The following WDR72 variants were observed in gnomAD, a reference collection of about 807,000 sequenced individuals.
The protein encoded by WDR72 is WD repeat domain 72.
A neutral mutation model predicts 124.2 loss-of-function variants in WDR72; 120 were observed. The ratio of observed to expected loss-of-function variants is 0.97; its 90% CI spans 0.83 to 1.12. WDR72 has a LOEUF of 1.12. WDR72 is among the 50% of genes most tolerant of loss of function. WDR72 has a pLI of 0.00. For missense variants in WDR72, 1,387 were observed against 1,278.8 expected (o/e 1.08, Z -1.29); for synonymous variants, 452 against 441.7 (o/e 1.02, Z -0.29).
chr15:53,738,124 T>G (rs2018408189), intron 1 of WDR72, among the ~76,000 whole-genome samples: 1 of 152,158 alleles, frequency 6.6e-6, no homozygotes, highest in African/African-American at 2.4e-5. Flanking sequence ...TCGATGTAGT[T>G]AAGACTCAAA....
At chr15:53,734,429 A>T (rs1343688021) in intron 1 of WDR72, among the ~76,000 whole-genome samples, 1 of 152,226 alleles carries the variant, frequency 6.6e-6, no homozygotes, top group Non-Finnish European at 1.5e-5. Context: ...AAAGCTACCC[A>T]GAGAGTTCTG....
chr15:53,521,862 T>C (rs540546), intron 19 of WDR72, among the ~76,000 whole-genome samples: 38,248 of 151,998 alleles, frequency 0.25, 5,406 homozygotes, highest in African/African-American at 0.36. Flanking sequence ...AATGGATAAA[T>C]AATTTTTATT....
chr15:53,671,787 A>C (rs892574997), intron 13 of WDR72, among the ~76,000 whole-genome samples: 4 of 152,158 alleles, frequency 2.6e-5, no homozygotes, highest in African/African-American at 4.8e-5. Flanking sequence ...TCAGTTTCTG[A>C]ATGTGACGTG....
rs755207553 is a variant in WDR72, at chr15:53,665,736, C to T, written c.1798G>A (p.Ala600Thr). The T allele has an allele frequency of 2.2e-5, 36 of 1,613,722 alleles. No individual in the cohort carries two copies. The highest frequency in any genetic ancestry group is 3.0e-5 in the Non-Finnish European group (35 of 1,179,852). Residue 600 changes from alanine (A) to threonine (T), a missense_variant, in exon 14 of 20, where the codon GCA (alanine) becomes ACA (threonine). Physicochemically the swap from Ala to Thr is moderately conservative, Grantham distance 58. Transcript: ENST00000360509. ...TLERHETGER[A>T]RIILNCCDDS... is the part of the protein sequence containing the mutation. ...TCACAACAATTAAGAATAATTCGTG[C>T]TCTTTCTCCTGTCTCATGTCTTTCC...
intron 12 of WDR72, among the ~76,000 whole-genome samples, chr15:53,700,395 A>G (rs77300466): frequency 1.5e-3 from 223 of 152,360 alleles, no homozygotes; most frequent in African/African-American, 5.1e-3. Context: ...TGTTCCCAGA[A>G]CTATACAGGT....
intron 13 of WDR72, among the ~76,000 whole-genome samples, chr15:53,692,544 A>T (rs1442349673): frequency 2.6e-5 from 4 of 152,222 alleles, no homozygotes; most frequent in Non-Finnish European, 4.4e-5. Flanking sequence ...TGGAACAAGA[A>T]TTCAAACCTA....
chr15:53,523,712 G>C (rs1337826667), intron 18 of WDR72, among the ~76,000 whole-genome samples: 1 of 151,984 alleles, frequency 6.6e-6, no homozygotes, highest in Admixed American at 6.6e-5. Flanking sequence ...GCTCTGTACT[G>C]GTGGCAATGT....
chr15:53,693,640 T>C (rs980679127), intron 13 of WDR72, among the ~76,000 whole-genome samples: 2 of 152,188 alleles, frequency 1.3e-5, no homozygotes, highest in Admixed American at 6.5e-5. Flanking sequence ...GTATTGTGGA[T>C]TGAATAATTT....
chr15:53,741,995 T>G (rs1224887771), intron 1 of WDR72, among the ~76,000 whole-genome samples: 1 of 152,194 alleles, frequency 6.6e-6, no homozygotes. Flanking sequence ...CCCAAAGTGC[T>G]GGGATTACAG....
chr15:53,747,469 G>A (rs1223819878), intron 1 of WDR72, among the ~76,000 whole-genome samples: 1 of 152,036 alleles, frequency 6.6e-6, no homozygotes, highest in African/African-American at 2.4e-5. Flanking sequence ...TATCTTAGCA[G>A]GTAAAGTCAA....
Position 53,616,151 on chromosome 15 carries a change from A to T in WDR72, c.2055T>A (p.Asp685Glu). 1.2e-6 allele frequency: 2 copies of T among 1,606,024 alleles called. No individual in the cohort carries two copies. The highest frequency in any genetic ancestry group is 1.7e-6 in the Non-Finnish European group (2 of 1,176,430). Reference sequence around the variant, plus strand: ...GCAAAAGTTCAACAAGGTTTTCCAGATCAAATAGAAGAATATGAAAGCCAA... The same window carrying T: ...GCAAAAGTTCAACAAGGTTTTCCAGTTCAAATAGAAGAATATGAAAGCCAA... The part of the protein sequence containing the change: ...SNVGFHILLF[D>E]LENLVELLLP... The change falls in exon 15 of 20, where the codon GAT becomes GAA. Residue 685 changes from aspartate (D) to glutamate (E), a missense_variant. Coordinates refer to ENST00000360509, the MANE Select transcript of WDR72 (RefSeq NM_182758.4).
intron 18 of WDR72, among the ~76,000 whole-genome samples, chr15:53,535,027 T>A (rs1892686556): frequency 6.6e-6 from 1 of 152,098 alleles, no homozygotes; most frequent in Non-Finnish European, 1.5e-5. Flanking sequence ...GATAAAATAT[T>A]TTTTTAAGGT....
chr15:53,645,987 G>C (rs1307942599), intron 14 of WDR72, among the ~76,000 whole-genome samples: 2 of 152,144 alleles, frequency 1.3e-5, no homozygotes, highest in African/African-American at 4.8e-5. Context: ...AGCCAAAACT[G>C]TCCCAGGGAA....
At chr15:53,669,302 A>G (rs1284018266) in intron 13 of WDR72, among the ~76,000 whole-genome samples, 1 of 151,904 alleles carries the variant, frequency 6.6e-6, no homozygotes, top group Admixed American at 6.6e-5. Context: ...CTCCACCAGC[A>G]CTACACCATA....
intron 14 of WDR72, among the ~76,000 whole-genome samples, chr15:53,656,345 G>A (rs919466254): frequency 6.6e-6 from 1 of 152,052 alleles, no homozygotes; most frequent in African/African-American, 2.4e-5. Context: ...CAGAAAAATG[G>A]GCAAGAACGT....
chr15:53,692,299 T>C (rs2016869463), intron 13 of WDR72, among the ~76,000 whole-genome samples: 1 of 152,230 alleles, frequency 6.6e-6, no homozygotes, highest in African/African-American at 2.4e-5. Context: ...ATAATTCTAG[T>C]GTCCTTCACA....
intron 18 of WDR72, among the ~76,000 whole-genome samples, chr15:53,537,498 T>A (rs190174178): frequency 6.6e-6 from 1 of 152,288 alleles, no homozygotes; most frequent in Non-Finnish European, 1.5e-5. Flanking sequence ...AATACAATCC[T>A]GGCTCATCTA....
rs569378346 is a variant in WDR72, at chr15:53,651,735, G to A, written c.1962+13837C>T. Among the ~76,000 whole-genome samples, 131 of 152,166 alleles carry A rather than the reference G, an allele frequency of 8.6e-4. 2 individuals are homozygous for A. The South Asian group carries it at 0.025, about 30-fold the overall frequency. Reference sequence around the variant, plus strand: ...TGGCGAGATCTCAGCTCACTGCAACGCCTGCCTCCCAGGTTCAAGCAATTC... The same window carrying A: ...TGGCGAGATCTCAGCTCACTGCAACACCTGCCTCCCAGGTTCAAGCAATTC... On this transcript the variant is annotated intron_variant, in intron 14 of 19. Transcript: ENST00000360509.
intron 1 of WDR72, among the ~76,000 whole-genome samples, chr15:53,748,026 A>T (rs2018684991): frequency 6.6e-6 from 1 of 151,750 alleles, no homozygotes; most frequent in Admixed American, 6.6e-5. Flanking sequence ...AACAAAAAAT[A>T]CCATTGTCCT....
Sources: gnomAD v4.1 joint callset for allele counts (sites outside exome capture counted in the v4.1 genomes callset) on GRCh38, gnomAD v4.1.1 for gene constraint, MANE v1.5 for transcripts, NCBI Gene and HGNC (gene_info 2026-07-23, HGNC 2026-07-21) for gene names.